RFX3: variants seen among roughly 807,000 people sequenced by gnomAD.
RFX3 encodes the protein transcription factor RFX3.
A neutral mutation model predicts 98.6 loss-of-function variants in RFX3; 14 were observed. That is an observed-to-expected ratio of 0.14 (90% CI 0.09 to 0.22). The LOEUF is 0.22. Among genes scored for constraint, RFX3 ranks in the 10% least tolerant of loss-of-function variants. The pLI is 1.00. For synonymous variants in RFX3, 383 were observed against 328.4 expected, an observed-to-expected ratio of 1.17 and a Z score of -1.80; for missense variants, 639 against 926.9, an observed-to-expected ratio of 0.69 and a Z score of 4.03.
In RFX3 at chr9:3,221,189, T is replaced by G. The variant is rs1186466871; in HGVS notation, c.*3853A>C. ...GACCAACATCACAGTGACACTATTT[T>G]TTTTTTCCTTTTACACTAATGTTTC... On this transcript the variant is annotated 3_prime_UTR_variant, in exon 17 of 17. Coordinates refer to ENST00000617270, the MANE Select transcript of RFX3 (RefSeq NM_001282116.2). The G allele has an allele frequency of 6.6e-6, 1 of 152,144 alleles. No individual in the cohort carries two copies. Among genetic ancestry groups the G allele is most frequent in the African/African-American group, 2.4e-5 (1 of 41,422 alleles). The allele number at this position is 152,144 out of a possible 1,614,324, so 9.4% of individuals were successfully genotyped here. A position where few individuals can be genotyped will look rare whatever the true frequency, so the allele number is the denominator to read the frequency against.
intron 2 of RFX3, among the ~76,000 whole-genome samples, chr9:3,369,995 ATTTTTTTTTTTTTT>A (rs71324244): frequency 1.5e-5 from 2 of 132,642 alleles, no homozygotes; most frequent in Non-Finnish European, 3.2e-5. Flanking sequence ...CGCCCGGCTA[ATTTTTTTTTTTTTT>A]TTTTTGTATT....
At chr9:3,323,825 A>G (rs371868638) in intron 4 of RFX3, 1 of 169,744 alleles carries the variant, frequency 5.9e-6, no homozygotes, top group Non-Finnish European at 1.4e-5. Flanking sequence ...TAGTTTATCA[A>G]GATTTCTAGG....
chr9:3,376,742 T>G (rs1338514925), intron 2 of RFX3, among the ~76,000 whole-genome samples: 1 of 151,806 alleles, frequency 6.6e-6, no homozygotes, highest in Non-Finnish European at 1.5e-5. Flanking sequence ...CAAACAAATT[T>G]ACAAGAAAAA....
chr9:3,507,386 T>A (rs1817204798), intron 1 of RFX3, among the ~76,000 whole-genome samples: 1 of 151,890 alleles, frequency 6.6e-6, no homozygotes, highest in Admixed American at 6.6e-5. Flanking sequence ...TATTAAACAC[T>A]CACATGTCAG....
chr9:3,347,021 A>G (rs1407338074), intron 2 of RFX3, among the ~76,000 whole-genome samples: 2 of 152,168 alleles, frequency 1.3e-5, no homozygotes, highest in African/African-American at 2.4e-5. Context: ...GTTCAGGTTT[A>G]AAATTATGAA....
intron 9 of RFX3, among the ~76,000 whole-genome samples, chr9:3,273,647 T>A (rs1437086719): frequency 6.6e-6 from 1 of 152,020 alleles, no homozygotes; most frequent in Admixed American, 6.6e-5. Context: ...GTGGATCACT[T>A]CAGGTCAGGA....
chr9:3,361,237 A>G (rs1183021735), intron 2 of RFX3, among the ~76,000 whole-genome samples: 1 of 152,210 alleles, frequency 6.6e-6, no homozygotes, highest in Non-Finnish European at 1.5e-5. Flanking sequence ...GAAGGAAGAC[A>G]TCCAGAGTAG....
intron 11 of RFX3, among the ~76,000 whole-genome samples, chr9:3,268,156 A>T (rs979170931): frequency 6.6e-6 from 1 of 151,748 alleles, no homozygotes; most frequent in African/African-American, 2.4e-5. Flanking sequence ...CGTTTTTTTC[A>T]TTTTCAGATA....
At chr9:3,259,269 G>A (rs1256283151) in intron 13 of RFX3, among the ~76,000 whole-genome samples, 1 of 151,826 alleles carries the variant, frequency 6.6e-6, no homozygotes, top group African/African-American at 2.4e-5. Flanking sequence ...CTATTTACTT[G>A]GCAGTTAGTT....
intron 1 of RFX3, among the ~76,000 whole-genome samples, chr9:3,467,806 C>T (rs1219859804): frequency 6.6e-6 from 1 of 152,116 alleles, no homozygotes; most frequent in African/African-American, 2.4e-5. Flanking sequence ...ACACATAGGG[C>T]TTCCCCTCCC....
intron 3 of RFX3, among the ~76,000 whole-genome samples, chr9:3,337,017 T>A (rs1462333417): frequency 6.6e-6 from 1 of 152,214 alleles, no homozygotes; most frequent in Non-Finnish European, 1.5e-5. Context: ...TAAAAGCCAC[T>A]GTTACAGACT....
chr9:3,383,618 C>G (rs917310078), intron 2 of RFX3, among the ~76,000 whole-genome samples: 1 of 151,932 alleles, frequency 6.6e-6, no homozygotes, highest in East Asian at 1.9e-4. Context: ...TGAGTTACTA[C>G]GCAGCCAGGA....
chr9:3,258,642 A>T (rs537039246), intron 13 of RFX3, among the ~76,000 whole-genome samples: 1 of 152,048 alleles, frequency 6.6e-6, no homozygotes, highest in Non-Finnish European at 1.5e-5. Context: ...TTTTAAGTAT[A>T]CTAAAATATC....
intron 1 of RFX3, among the ~76,000 whole-genome samples, chr9:3,400,809 C>A (rs1446957269): frequency 1.3e-5 from 2 of 152,118 alleles, no homozygotes; most frequent in Non-Finnish European, 2.9e-5. Flanking sequence ...TCAGAAGAAC[C>A]CCCTGATGGA....
chr9:3,305,551 T>C (rs769315083), intron 4 of RFX3, among the ~76,000 whole-genome samples: 2 of 151,844 alleles, frequency 1.3e-5, no homozygotes, highest in Non-Finnish European at 2.9e-5. Flanking sequence ...GCAAGAGGAA[T>C]AATGCAGAAA....
At chr9:3,275,356 A>G (rs1352170379) in intron 9 of RFX3, 144 bp downstream of exon 9, 8 of 478,506 alleles carry the variant, frequency 1.7e-5, no homozygotes, top group Non-Finnish European at 1.5e-5. Flanking sequence ...AAGAAGAAAA[A>G]TGAATTTGTT....
chr9:3,228,475 G>A (rs570177470), intron 16 of RFX3, among the ~76,000 whole-genome samples: 2 of 152,168 alleles, frequency 1.3e-5, no homozygotes, highest in East Asian at 1.9e-4. Context: ...TAGGTGAGCC[G>A]AGGAATCTTT....
At chr9:3,460,935 T>G (rs1417893123) in intron 1 of RFX3, among the ~76,000 whole-genome samples, 1 of 151,928 alleles carries the variant, frequency 6.6e-6, no homozygotes, top group Non-Finnish European at 1.5e-5. Context: ...TCCTGTAGTC[T>G]TACTCTAATG....
intron 2 of RFX3, among the ~76,000 whole-genome samples, chr9:3,356,373 C>T (rs1230636319): frequency 1.3e-5 from 2 of 151,640 alleles, no homozygotes; most frequent in Non-Finnish European, 2.9e-5. Context: ...ATAAAGACAA[C>T]GTAGTGTCAA....
Sources: gnomAD v4.1 joint callset for allele counts (sites outside exome capture counted in the v4.1 genomes callset) on GRCh38, gnomAD v4.1.1 for gene constraint, MANE v1.5 for transcripts, NCBI Gene and HGNC (gene_info 2026-07-23, HGNC 2026-07-21) for gene names.